The following PLD5 variants were observed in gnomAD, a reference collection of about 807,000 sequenced individuals.
The protein encoded by PLD5 is inactive phospholipase D5.
Under a neutral mutation model 61.1 loss-of-function variants are expected in PLD5, and 36 were observed. That is an observed-to-expected ratio of 0.59 (90% CI 0.45 to 0.78). PLD5 has a LOEUF of 0.78. PLD5 is among the 30% of genes least tolerant of loss of function. The pLI is 0.00. For missense variants in PLD5, 515 were observed against 644.4 expected (o/e 0.80, Z 2.17); for synonymous variants, 243 against 242.8 (o/e 1.00, Z -0.01).
chr1:242,099,694 T>C (rs1660538921), intron 9 of PLD5, among the ~76,000 whole-genome samples: 1 of 152,222 alleles, frequency 6.6e-6, no homozygotes, highest in Non-Finnish European at 1.5e-5. Context: ...CCCTCCCTAT[T>C]GGTGATGTTG....
intron 5 of PLD5, among the ~76,000 whole-genome samples, chr1:242,140,159 G>A (rs890556898): frequency 6.6e-6 from 1 of 152,164 alleles, no homozygotes; most frequent in South Asian, 2.1e-4. Context: ...GCACACCAAC[G>A]TGTTCGGCAC....
chr1:242,199,357 T>C (rs316824), intron 5 of PLD5, among the ~76,000 whole-genome samples: 102,177 of 151,826 alleles, frequency 0.67, 35,034 homozygotes, highest in East Asian at 0.92. Flanking sequence ...CAGGTTCAAG[T>C]GATTCTTCTG....
intron 1 of PLD5, among the ~76,000 whole-genome samples, chr1:242,362,787 G>A (rs1284171318): frequency 6.6e-6 from 1 of 152,002 alleles, no homozygotes; most frequent in Non-Finnish European, 1.5e-5. Flanking sequence ...CTCTATCTTA[G>A]GATTTTCTCT....
At chr1:242,352,227 C>T (rs2149225371) in intron 1 of PLD5, among the ~76,000 whole-genome samples, 1 of 152,326 alleles carries the variant, frequency 6.6e-6, no homozygotes, top group African/African-American at 2.4e-5. Context: ...ACCCACCAGC[C>T]TCTGGTAACC....
In PLD5 at chr1:242,413,093, C is replaced by A. The variant is rs147303262; in HGVS notation, c.190-64851G>T. Among the ~76,000 whole-genome samples the A allele has an allele frequency of 3.6e-3, 547 of 152,240 alleles. 7 individuals are homozygous for A. Among genetic ancestry groups the A allele is most frequent in the African/African-American group, 0.012 (507 of 41,548 alleles). On this transcript the variant is annotated intron_variant, in intron 1 of 9. Coordinates refer to ENST00000536534, the MANE Select transcript of PLD5 (RefSeq NM_001372062.1). ...TATGAGCCTCACAAGTTCCCGAGGG[C>A]GCCTTCCGCTTACTCTGCAGGAAGT...
intron 8 of PLD5, among the ~76,000 whole-genome samples, chr1:242,104,512 G>C (rs73130714): frequency 6.6e-6 from 1 of 152,076 alleles, no homozygotes; most frequent in Non-Finnish European, 1.5e-5. Flanking sequence ...ACATGCAGAC[G>C]CCATGGAGAC....
intron 1 of PLD5, among the ~76,000 whole-genome samples, chr1:242,465,700 G>A (rs775808136): frequency 6.6e-6 from 1 of 152,124 alleles, no homozygotes; most frequent in Non-Finnish European, 1.5e-5. Context: ...AGGCTGAGGC[G>A]GGTGGATCAT....
intron 1 of PLD5, among the ~76,000 whole-genome samples, chr1:242,368,947 T>C (rs1661487318): frequency 6.6e-6 from 1 of 152,178 alleles, no homozygotes; most frequent in South Asian, 2.1e-4. Context: ...TCTTTCTATC[T>C]CCTGTGTCAC....
chr1:242,123,731 G>C (rs1357248877), intron 6 of PLD5, among the ~76,000 whole-genome samples: 1 of 152,164 alleles, frequency 6.6e-6, no homozygotes, highest in Admixed American at 6.6e-5. Context: ...TGAACAAAAC[G>C]ATGTTATTGA....
At chr1:242,385,484 T>C (rs748554367) in intron 1 of PLD5, among the ~76,000 whole-genome samples, 1 of 152,166 alleles carries the variant, frequency 6.6e-6, no homozygotes, top group Non-Finnish European at 1.5e-5. Context: ...TGTTTCTTTG[T>C]TGGATTACCA....
At chr1:242,275,052 C>CAT (rs895280732) in intron 3 of PLD5, among the ~76,000 whole-genome samples, 11 of 151,394 alleles carry the variant, frequency 7.3e-5, no homozygotes, top group South Asian at 2.1e-4. Context: ...CCTACTTACA[C>CAT]ACATATATAT....
In PLD5 at chr1:242,419,459, G is replaced by A. The variant is rs139789828; in HGVS notation, c.190-71217C>T. 4.0e-5 allele frequency among the ~76,000 whole-genome samples: 6 copies of A among 149,170 alleles called. No homozygotes were observed. The South Asian group carries it at 6.4e-4, about 16-fold the overall frequency. ...TGCCCAGGCTGGAGTGCAATGGTGC[G>A]ATCTCAGCTCATGGCAACCTCCACC... On this transcript the variant is annotated intron_variant, in intron 1 of 9. Coordinates refer to ENST00000536534, the MANE Select transcript of PLD5 (RefSeq NM_001372062.1).
At chr1:242,160,562 G>T (rs1208613047) in intron 5 of PLD5, among the ~76,000 whole-genome samples, 1 of 152,122 alleles carries the variant, frequency 6.6e-6, no homozygotes, top group Non-Finnish European at 1.5e-5. Flanking sequence ...AGCCTTTCAT[G>T]ATTTTATAGA....
intron 1 of PLD5, among the ~76,000 whole-genome samples, chr1:242,431,209 T>C (rs954294999): frequency 3.3e-5 from 5 of 152,190 alleles, no homozygotes; most frequent in Non-Finnish European, 7.4e-5. Context: ...TCTGCATGCA[T>C]TGAACAATAA....
chr1:242,456,539 G>A (rs1345631157), intron 1 of PLD5, among the ~76,000 whole-genome samples: 7 of 152,276 alleles, frequency 4.6e-5, no homozygotes, highest in South Asian at 4.2e-4. Flanking sequence ...GGCTGAGTGC[G>A]CAAGTCAGCA....
chr1:242,286,835 T>C (rs566085943), intron 3 of PLD5, among the ~76,000 whole-genome samples: 46 of 152,162 alleles, frequency 3.0e-4, no homozygotes, highest in South Asian at 2.1e-3. Context: ...GTATTGGAGG[T>C]GATCTCTGGC....
intron 1 of PLD5, among the ~76,000 whole-genome samples, chr1:242,483,475 G>A (rs377522647): frequency 2.0e-5 from 3 of 152,082 alleles, no homozygotes; most frequent in African/African-American, 7.2e-5. Context: ...CCATTACATA[G>A]TGGTAAAGGG....
chr1:242,172,665 A>G (rs1446276586), intron 5 of PLD5, among the ~76,000 whole-genome samples: 4 of 152,194 alleles, frequency 2.6e-5, no homozygotes, highest in Non-Finnish European at 5.9e-5. Flanking sequence ...GAGAAGAATC[A>G]AATAGACACA....
At chr1:242,092,615 C>G (rs551737778) in intron 9 of PLD5, among the ~76,000 whole-genome samples, 3 of 152,034 alleles carry the variant, frequency 2.0e-5, no homozygotes, top group Non-Finnish European at 4.4e-5. Flanking sequence ...ATTGGCCTTC[C>G]GTCCCCTCTG....
Sources: gnomAD v4.1 joint callset for allele counts (sites outside exome capture counted in the v4.1 genomes callset) on GRCh38, gnomAD v4.1.1 for gene constraint, MANE v1.5 for transcripts, NCBI Gene and HGNC (gene_info 2026-07-23, HGNC 2026-07-21) for gene names.